NPEPL1: variants seen among roughly 807,000 people sequenced by gnomAD.
NPEPL1 encodes the protein aminopeptidase like 1.
A neutral mutation model predicts 52.4 loss-of-function variants in NPEPL1; 45 were observed. The observed-to-expected ratio is 0.86, with a 90% CI of 0.68 to 1.10. The LOEUF (loss-of-function observed/expected upper bound fraction) is 1.10. Among genes scored for constraint, NPEPL1 ranks in the 50% least tolerant of loss-of-function variants. The pLI is 0.00. For synonymous variants in NPEPL1, 360 were observed against 314.7 expected (o/e 1.14, Z -1.52); for missense variants, 696 against 710.9 (o/e 0.98, Z 0.24).
chr20:58,698,449 G>C (rs2084536129), intron 3 of NPEPL1, among the ~76,000 whole-genome samples: 1 of 152,046 alleles, frequency 6.6e-6, no homozygotes, highest in South Asian at 2.1e-4. Context: ...TATATTTGTG[G>C]AGGCGCAGGG....
chr20:58,714,899 C>T (rs2123159656), intron 11 of NPEPL1: 2 of 608,796 alleles, frequency 3.3e-6, no homozygotes, highest in South Asian at 4.0e-5. Context: ...ATCCTGGGCC[C>T]TGTCTCACCC....
At chr20:58,694,669 AAAAGCTTGTTGCGGGGGCAGG>A in intron 3 of NPEPL1, 77 bp downstream of exon 3, 1 of 1,432,448 alleles carries the variant, frequency 7.0e-7, no homozygotes, top group Non-Finnish European at 9.3e-7. Flanking sequence ...CGGGAGAGGG[AAAAGCTTGTTGCGGGGGCAGG>A]AGGGGGTTCC....
intron 6 of NPEPL1, 70 bp from the exon 7 acceptor site, chr20:58,707,053 G>T (rs766402970): frequency 3.4e-6 from 5 of 1,465,952 alleles, no homozygotes; most frequent in Non-Finnish European, 4.7e-6. Context: ...GGGTGGGGGT[G>T]GGGGGCTTCC....
intron 6 of NPEPL1, among the ~76,000 whole-genome samples, chr20:58,705,126 G>A (rs1488880709): frequency 1.3e-5 from 2 of 152,186 alleles, no homozygotes; most frequent in South Asian, 2.1e-4. Flanking sequence ...TTGCTTAAAA[G>A]CTCAAATGTA....
chr20:58,707,515 C>A (rs933787994), intron 7 of NPEPL1, among the ~76,000 whole-genome samples: 2 of 152,252 alleles, frequency 1.3e-5, no homozygotes, highest in African/African-American at 4.8e-5. Flanking sequence ...ATGTGGCAGG[C>A]AGAAGCTCAT....
rs1285162314 is a variant in NPEPL1 at position 58,714,067 on chromosome 20, G to T, written c.1276G>T (p.Val426Leu). The T allele has an allele frequency of 6.5e-7, 1 of 1,548,590 alleles. No homozygotes were observed. Among genetic ancestry groups the T allele is most frequent in the Admixed American group, 2.0e-5 (1 of 49,588 alleles). ...ELHFSEFTSA[V>L]ADMKNSVADR... ...GCACTTCAGCGAGTTCACCTCAGCTGTGGCGGACATGAAGAACTCAGTGGC... is the reference window on the plus strand; with the variant it reads ...GCACTTCAGCGAGTTCACCTCAGCTTTGGCGGACATGAAGAACTCAGTGGC... Residue 426 changes from valine (V) to leucine (L), a missense_variant, in exon 10 of 12, where the codon GTG becomes TTG. By Grantham distance (32) the Val-to-Leu change is conservative (BLOSUM62 1). Coordinates refer to ENST00000356091, the MANE Select transcript of NPEPL1 (RefSeq NM_024663.4).
chr20:58,707,723 G>A (rs1211718919), intron 7 of NPEPL1, among the ~76,000 whole-genome samples: 1 of 150,662 alleles, frequency 6.6e-6, no homozygotes, highest in South Asian at 2.1e-4. Flanking sequence ...CGTGGGGGGG[G>A]TGGGGGGTGA....
chr20:58,714,665 C>CATGCTGTG lies in NPEPL1; in HGVS notation c.1410_1413+4dup. 1 of 1,587,440 alleles carries CATGCTGTG rather than the reference C, an allele frequency of 6.3e-7. No individual in the cohort carries two copies. The highest frequency in any genetic ancestry group is 8.6e-7 in the Non-Finnish European group (1 of 1,168,496). Reference sequence around the variant, plus strand: ...CCACCTGGACATTGCTGCACCGGTGCATGCTGTGAGTGTCTCCCCTCCCCA... The same window carrying CATGCTGTG: ...CCACCTGGACATTGCTGCACCGGTGCATGCTGTGATGCTGTGAGTGTCTCCCCTCCCCA... On this transcript the variant is annotated frameshift_variant, in exon 11 of 12. Transcript: ENST00000356091. LOFTEE classifies it high-confidence loss of function.
chr20:58,706,184 C>T (rs905014558), intron 6 of NPEPL1, among the ~76,000 whole-genome samples: 2 of 152,154 alleles, frequency 1.3e-5, no homozygotes, highest in African/African-American at 4.8e-5. Context: ...AAGGGTGGCC[C>T]CTCTTTAGAC....
Position 58,713,334 on chromosome 20 carries a change from A to C in NPEPL1, c.1002-86A>C. 6.8e-7 allele frequency: 1 copy of C among 1,467,180 alleles called. No homozygotes were observed. Among genetic ancestry groups the C allele is most frequent in the South Asian group, 1.4e-5 (1 of 73,072 alleles). The allele number at this position is 1,467,180 out of a possible 1,614,324, so 90.9% of individuals were successfully genotyped here. ...GGGAGCCACAGGGATGGGCAGCTCC[A>C]AATGGGGTCTCCCCAGTTTCAAAGG... is the stretch of plus-strand genomic sequence containing the variant. On this transcript the variant is annotated intron_variant, in intron 8 of 11. Transcript: ENST00000356091. The surrounding 1 kb of genome is among the most constrained non-coding windows in gnomAD (Gnocchi z 4.6).
At chr20:58,691,743 C>G (rs1301285535), upstream of NPEPL1, 6 of 835,670 alleles carry the variant, frequency 7.2e-6, no homozygotes, top group African/African-American at 5.6e-5. Flanking sequence ...GAAGAAGAAA[C>G]TCAAAATAAC....
chr20:58,697,233 G>T (rs913316915), intron 3 of NPEPL1, among the ~76,000 whole-genome samples: 12 of 152,220 alleles, frequency 7.9e-5, no homozygotes, highest in African/African-American at 2.9e-4. Context: ...GCTGTGTGTT[G>T]GTGGAGGGCA....
rs2084606535 is a variant in NPEPL1 at position 58,701,048 on chromosome 20, C to CCCCCAGCCCTG, written c.713_723dup (p.Ala242ProfsTer43). ...TGGGGTTGGCAAAGCCGCCCTGCAT[C>CCCCCAGCCCTG]CCCCAGCCCTGGCCGTCCTCAGCCA... On this transcript the variant is annotated frameshift_variant, in exon 6 of 12. Transcript: ENST00000356091. LOFTEE classifies it high-confidence loss of function. The CCCCCAGCCCTG allele has an allele frequency of 6.3e-7, 1 of 1,593,764 alleles. No homozygotes were observed. Among genetic ancestry groups the CCCCCAGCCCTG allele is most frequent in the Non-Finnish European group, 8.5e-7 (1 of 1,171,160 alleles).
intron 3 of NPEPL1, among the ~76,000 whole-genome samples, chr20:58,695,531 C>T (rs1226535041): frequency 1.3e-5 from 2 of 152,160 alleles, no homozygotes; most frequent in African/African-American, 2.4e-5. Flanking sequence ...CTCCAGTCCC[C>T]GAGCCCACAG....
chr20:58,699,133 C>A, intron 4 of NPEPL1, 64 bp from the exon 5 acceptor site: 1 of 1,457,912 alleles, frequency 6.9e-7, no homozygotes, highest in Non-Finnish European at 9.4e-7. Context: ...CAGCCTCGGC[C>A]TCTCCTGTTT....
At chr20:58,714,811 C>T in intron 11 of NPEPL1, 141 bp downstream of exon 11, 1 of 682,806 alleles carries the variant, frequency 1.5e-6, no homozygotes, top group Non-Finnish European at 2.5e-6. Flanking sequence ...TCCCCACCAC[C>T]CCCAGGTCTC....
chr20:58,710,582 G>C (rs991843344), intron 7 of NPEPL1, among the ~76,000 whole-genome samples: 2 of 152,022 alleles, frequency 1.3e-5, no homozygotes, highest in Non-Finnish European at 2.9e-5. Context: ...GCGTAGCACT[G>C]GAGACCCTTC....
intron 5 of NPEPL1, among the ~76,000 whole-genome samples, chr20:58,699,570 C>A (rs2084569333): frequency 6.6e-6 from 1 of 152,252 alleles, no homozygotes; most frequent in Admixed American, 6.5e-5. Flanking sequence ...ACCCTTACTC[C>A]TGGGACTGGC....
In NPEPL1 at chr20:58,693,779, G is replaced by T. The variant is rs939039698; in HGVS notation, c.193G>T (p.Asp65Tyr). 6.2e-7 allele frequency: 1 copy of T among 1,613,226 alleles called. No individual in the cohort carries two copies. The highest frequency in any genetic ancestry group is 1.3e-5 in the African/African-American group (1 of 74,912). Residue 65 changes from aspartate to tyrosine, a missense_variant, in exon 2 of 12, where the codon GAC (aspartate) becomes TAC (tyrosine). Coordinates refer to ENST00000356091, the MANE Select transcript of NPEPL1 (RefSeq NM_024663.4). ...GAGCACGCTCAACCCCAACCCCACG[G>T]ACAGCTGTCCCCTCTACCTGAACTA... ...ALSTLNPNPTDSCPLYLNYAT... is the reference protein window; with the variant it reads ...ALSTLNPNPTYSCPLYLNYAT...
Sources: allele counts gnomAD v4.1 joint callset (sites outside exome capture counted in the v4.1 genomes callset), GRCh38; gene constraint gnomAD v4.1.1; non-coding constraint Gnocchi (gnomAD v3.1); transcripts MANE v1.5; gene names NCBI Gene and HGNC (gene_info 2026-07-23, HGNC 2026-07-21).